TRDN: variants seen among roughly 807,000 people sequenced by gnomAD.
The protein encoded by TRDN is triadin in skeletal muscle.
In TRDN, 161 loss-of-function variants were observed where a neutral mutation model predicts 149.7. The observed-to-expected ratio is 1.08, with a 90% CI of 0.95 to 1.23. TRDN has a LOEUF of 1.23. Among genes scored for constraint, TRDN ranks in the 50% most tolerant of loss-of-function variants. The pLI, the probability that TRDN is intolerant of heterozygous loss-of-function variation, is 0.00. For missense variants in TRDN, 896 were observed against 823.5 expected, an observed-to-expected ratio of 1.09 and a Z score of -1.08; for synonymous variants, 294 against 250.5, an observed-to-expected ratio of 1.17 and a Z score of -1.64.
chr6:123,477,958 G>A lies in TRDN; in HGVS notation c.854-12975C>T, dbSNP rs13218233. Reference sequence around the variant, plus strand: ...TAGCATTGGGAGATATACCTAACGCGAGATGACGAGTTAGTGGGTGCAGCG... The same window carrying A: ...TAGCATTGGGAGATATACCTAACGCAAGATGACGAGTTAGTGGGTGCAGCG... On this transcript the variant is annotated intron_variant, in intron 9 of 40. Transcript: ENST00000334268. Among the ~76,000 whole-genome samples the A allele has an allele frequency of 5.3e-5, 8 of 151,544 alleles. No individual in the cohort carries two copies. In the South Asian group the frequency reaches 1.3e-3, roughly 24 times the overall value.
At chr6:123,358,880 C>G (rs1448494518) in intron 20 of TRDN, among the ~76,000 whole-genome samples, 1 of 151,972 alleles carries the variant, frequency 6.6e-6, no homozygotes, top group Admixed American at 6.6e-5. Context: ...AATATTGTGC[C>G]GTTTGAAGTG....
intron 1 of TRDN, among the ~76,000 whole-genome samples, chr6:123,587,945 CT>C (rs1783589096): frequency 6.6e-6 from 1 of 152,150 alleles, no homozygotes; most frequent in Admixed American, 6.5e-5. Flanking sequence ...AACTGTCGAT[CT>C]GGATGTGTAC....
intron 20 of TRDN, among the ~76,000 whole-genome samples, chr6:123,359,542 T>C (rs1386620916): frequency 1.3e-5 from 2 of 152,210 alleles, no homozygotes; most frequent in Admixed American, 6.5e-5. Context: ...GTTATTTCAG[T>C]GGTTCTGGTA....
chr6:123,421,628 G>A (rs1475689808), intron 12 of TRDN: 1 of 151,986 alleles, frequency 6.6e-6, no homozygotes, highest in East Asian at 1.9e-4. Flanking sequence ...GGCCAACTCT[G>A]CATCAATAGG....
chr6:123,377,086 G>A (rs1781537133), intron 18 of TRDN, among the ~76,000 whole-genome samples: 1 of 152,226 alleles, frequency 6.6e-6, no homozygotes, highest in African/African-American at 2.4e-5. Context: ...TGCACTTTTA[G>A]TTTTTGTTGA....
intron 31 of TRDN, 111 bp downstream of exon 31, chr6:123,269,738 T>C (rs752095962): frequency 1.3e-4 from 133 of 1,012,952 alleles, no homozygotes; most frequent in Non-Finnish European, 1.9e-4. Context: ...AACAGTTATT[T>C]AGACACAGAC....
intron 29 of TRDN, among the ~76,000 whole-genome samples, chr6:123,272,037 C>T (rs1363336528): frequency 6.6e-6 from 1 of 151,874 alleles, no homozygotes; most frequent in Non-Finnish European, 1.5e-5. Context: ...ACAGACAGCT[C>T]TTCTCACCTC....
chr6:123,449,244 A>G (rs1329072155), intron 10 of TRDN, among the ~76,000 whole-genome samples: 3 of 152,190 alleles, frequency 2.0e-5, no homozygotes, highest in African/African-American at 7.2e-5. Context: ...CCTGAAAAAG[A>G]ATTCAGGAGT....
At chr6:123,287,588 G>C (rs1391686946) in intron 24 of TRDN, among the ~76,000 whole-genome samples, 1 of 152,006 alleles carries the variant, frequency 6.6e-6, no homozygotes. Flanking sequence ...AGCAAATAAG[G>C]CTTAATTAGA....
chr6:123,324,011 T>C (rs912177632), intron 23 of TRDN, among the ~76,000 whole-genome samples: 1 of 152,150 alleles, frequency 6.6e-6, no homozygotes, highest in Non-Finnish European at 1.5e-5. Flanking sequence ...AGATGGCAGA[T>C]GGCGAGTTGG....
intron 1 of TRDN, among the ~76,000 whole-genome samples, chr6:123,614,300 C>CAAAAAAAAAAAAAAAAAA (rs1199509406): frequency 2.0e-5 from 2 of 99,842 alleles, no homozygotes; most frequent in Non-Finnish European, 3.9e-5. Context: ...AAAAAAAAAA[C>CAAAAAAAAAAAAAAAAAA]AAAAAAAAAA....
chr6:123,265,352 A>G lies in TRDN; in HGVS notation c.1784-14T>C, dbSNP rs1669722882. ...GTTTTGGTTTGTCTAAAAAGGAAAA[A>G]AGAAAAAAAAAGAAAATGAGTGATA... On this transcript the variant is annotated splice_polypyrimidine_tract_variant and intron_variant, in intron 32 of 40. Transcript: ENST00000334268. The G allele has an allele frequency of 1.4e-6, 2 of 1,396,602 alleles. No individual in the cohort carries two copies. Among genetic ancestry groups the G allele is most frequent in the South Asian group, 2.7e-5 (2 of 73,518 alleles). The allele number at this position is 1,396,602 out of a possible 1,614,324, so 86.5% of individuals were successfully genotyped here.
intron 38 of TRDN, among the ~76,000 whole-genome samples, chr6:123,241,889 T>A (rs775247386): frequency 3.4e-4 from 52 of 152,042 alleles, no homozygotes; most frequent in Non-Finnish European, 6.6e-4. Context: ...ACAGGAAACA[T>A]GGCAAAGTTA....
chr6:123,249,390 A>C (rs1455655281), intron 38 of TRDN, among the ~76,000 whole-genome samples: 1 of 152,098 alleles, frequency 6.6e-6, no homozygotes, highest in Non-Finnish European at 1.5e-5. Flanking sequence ...CAAAGAACTA[A>C]ATTAGAACTA....
chr6:123,414,886 C>T (rs939679554), intron 12 of TRDN, among the ~76,000 whole-genome samples: 1 of 151,984 alleles, frequency 6.6e-6, no homozygotes, highest in South Asian at 2.1e-4. Flanking sequence ...TTCAGTTTTA[C>T]TTACATCTAT....
At chr6:123,524,395 C>T (rs1414142591) in intron 5 of TRDN, among the ~76,000 whole-genome samples, 1 of 152,038 alleles carries the variant, frequency 6.6e-6, no homozygotes, top group Non-Finnish European at 1.5e-5. Flanking sequence ...ACCACTTGGG[C>T]TCCTAAATTA....
chr6:123,349,571 T>G (rs1295770061), intron 21 of TRDN: 39 of 884,322 alleles, frequency 4.4e-5, no homozygotes, highest in Non-Finnish European at 5.3e-5. Flanking sequence ...ATTAAGCAAA[T>G]AATTAAATAC....
At chr6:123,591,640 G>A (rs545118903) in intron 1 of TRDN, among the ~76,000 whole-genome samples, 4 of 152,262 alleles carry the variant, frequency 2.6e-5, no homozygotes, top group East Asian at 1.9e-4. Flanking sequence ...CACATCTCAC[G>A]AAGGAAATAC....
At chr6:123,597,474 G>A (rs1784091173) in intron 1 of TRDN, among the ~76,000 whole-genome samples, 1 of 152,104 alleles carries the variant, frequency 6.6e-6, no homozygotes, top group Admixed American at 6.6e-5. Context: ...TGGCCTAGTT[G>A]TAGAGGATTA....
Sources: gnomAD v4.1 joint callset for allele counts (sites outside exome capture counted in the v4.1 genomes callset) on GRCh38, gnomAD v4.1.1 for gene constraint, MANE v1.5 for transcripts, NCBI Gene and HGNC (gene_info 2026-07-23, HGNC 2026-07-21) for gene names.